ZRANB3: variants seen among roughly 807,000 people sequenced by gnomAD.
ZRANB3 encodes the protein zinc finger RANBP2-type containing 3, also known as DNA annealing helicase and endonuclease ZRANB3.
ZRANB3 carries 125 observed loss-of-function variants against 133.8 expected under a neutral mutation model. The observed-to-expected ratio is 0.93, with a 90% CI of 0.81 to 1.08. ZRANB3 has a LOEUF of 1.08. ZRANB3 is among the 50% of genes least tolerant of loss of function. ZRANB3 has a pLI of 0.00. For missense variants in ZRANB3, 1,229 were observed against 1,275.5 expected, an observed-to-expected ratio of 0.96 and a Z score of 0.56; for synonymous variants, 387 against 432.7, an observed-to-expected ratio of 0.89 and a Z score of 1.31.
chr2:135,388,081 A>T (rs1687061157), intron 3 of ZRANB3, among the ~76,000 whole-genome samples: 1 of 152,196 alleles, frequency 6.6e-6, no homozygotes, highest in Admixed American at 6.5e-5. Context: ...ATGGCTAGGG[A>T]GGCTCCACAA....
chr2:135,305,824 T>C (rs1296201220), intron 8 of ZRANB3, among the ~76,000 whole-genome samples: 3 of 152,212 alleles, frequency 2.0e-5, no homozygotes, highest in Non-Finnish European at 4.4e-5. Flanking sequence ...ATTTCTCCTT[T>C]ACTTTTGAAG....
At chr2:135,453,304 T>G (rs1037829833) in intron 2 of ZRANB3, among the ~76,000 whole-genome samples, 6 of 152,230 alleles carry the variant, frequency 3.9e-5, no homozygotes, top group Non-Finnish European at 8.8e-5. Context: ...TGTGAAGGTC[T>G]CTGACATGGC....
At chr2:135,430,203 C>CA (rs927056282) in intron 2 of ZRANB3, among the ~76,000 whole-genome samples, 17 of 150,704 alleles carry the variant, frequency 1.1e-4, no homozygotes, top group Non-Finnish European at 3.0e-5. Context: ...AAAACAGAAA[C>CA]AAAAAAAACA....
At chr2:135,428,610 C>A (rs1372109624) in intron 2 of ZRANB3, among the ~76,000 whole-genome samples, 1 of 152,064 alleles carries the variant, frequency 6.6e-6, no homozygotes, top group Non-Finnish European at 1.5e-5. Context: ...ATTCATCTGA[C>A]AAAGGTCTAG....
At chr2:135,246,710 A>C (rs1663360335) in intron 12 of ZRANB3, among the ~76,000 whole-genome samples, 1 of 152,218 alleles carries the variant, frequency 6.6e-6, no homozygotes, top group Non-Finnish European at 1.5e-5. Flanking sequence ...GCTGAAACTC[A>C]GTTATTATGT....
chr2:135,396,279 G>A (rs914065962), intron 2 of ZRANB3, among the ~76,000 whole-genome samples: 1 of 152,204 alleles, frequency 6.6e-6, no homozygotes, highest in South Asian at 2.1e-4. Flanking sequence ...TAAAAATAGA[G>A]CTTCCATCTG....
chr2:135,509,631 C>CT (rs1347654253), intron 1 of ZRANB3, among the ~76,000 whole-genome samples: 2 of 152,030 alleles, frequency 1.3e-5, no homozygotes, highest in African/African-American at 4.8e-5. Context: ...AATATTTTGT[C>CT]TTTTGTTTTT....
rs556799238 is a variant in ZRANB3, at chr2:135,514,851, G to A, written c.-7-10355C>T. ...ATTGACAGTTTTTTTTAGCATGAAG[G>A]GGTGTTGAATTTTATGGAAGGCCTT... On this transcript the variant is annotated intron_variant, in intron 1 of 20. Coordinates refer to ENST00000264159, the MANE Select transcript of ZRANB3 (RefSeq NM_032143.4). Among the ~76,000 whole-genome samples, 6 of 152,184 alleles carry A rather than the reference G, an allele frequency of 3.9e-5. No homozygotes were observed. The South Asian group carries it at 1.2e-3, about 32-fold the overall frequency.
intron 12 of ZRANB3, among the ~76,000 whole-genome samples, chr2:135,241,147 C>G (rs1695531701): frequency 6.6e-6 from 1 of 151,876 alleles, no homozygotes; most frequent in African/African-American, 2.4e-5. Context: ...TTTGATAGTT[C>G]CTTCCTCTTA....
intron 11 of ZRANB3, among the ~76,000 whole-genome samples, chr2:135,266,040 C>G (rs900815125): frequency 6.6e-6 from 1 of 152,082 alleles, no homozygotes; most frequent in African/African-American, 2.4e-5. Flanking sequence ...GAAATCCCAT[C>G]TCTACTAAAA....
At chr2:135,261,776 C>T (rs1305971181) in intron 12 of ZRANB3, among the ~76,000 whole-genome samples, 8 of 152,136 alleles carry the variant, frequency 5.3e-5, no homozygotes, top group Non-Finnish European at 1.2e-4. Context: ...AGAACAGCTA[C>T]AAATCATAGA....
chr2:135,232,824 T>C (rs977575432), intron 12 of ZRANB3, among the ~76,000 whole-genome samples: 4 of 151,984 alleles, frequency 2.6e-5, no homozygotes, highest in African/African-American at 9.7e-5. Context: ...CAAAGGTAGA[T>C]AAAATCACAA....
intron 4 of ZRANB3, among the ~76,000 whole-genome samples, chr2:135,353,039 T>C (rs915581282): frequency 6.6e-6 from 1 of 152,096 alleles, no homozygotes; most frequent in South Asian, 2.1e-4. Flanking sequence ...CACACAAAAC[T>C]TGCATATTAA....
At chr2:135,466,080 A>C (rs1268638102) in intron 2 of ZRANB3, among the ~76,000 whole-genome samples, 1 of 152,220 alleles carries the variant, frequency 6.6e-6, no homozygotes, top group Non-Finnish European at 1.5e-5. Context: ...TCTGAAAAAC[A>C]CAATATATGA....
At chr2:135,226,381 C>G (rs553567400) in intron 14 of ZRANB3, among the ~76,000 whole-genome samples, 2 of 152,290 alleles carry the variant, frequency 1.3e-5, no homozygotes, top group African/African-American at 2.4e-5. Context: ...AAGCATTTAA[C>G]ATAGTGTGCC....
At chr2:135,432,718 T>C (rs1166456271) in intron 2 of ZRANB3, among the ~76,000 whole-genome samples, 1 of 152,112 alleles carries the variant, frequency 6.6e-6, no homozygotes, top group East Asian at 1.9e-4. Flanking sequence ...AACAGGAACG[T>C]CTGAAATGTA....
Position 135,323,396 on chromosome 2 carries a change from T to C in ZRANB3, c.678-7866A>G, listed in dbSNP as rs113001148. Among the ~76,000 whole-genome samples, 204 of 152,252 alleles carry C rather than the reference T, an allele frequency of 1.3e-3. 3 individuals are homozygous for C. The highest frequency in any genetic ancestry group is 4.8e-3 in the African/African-American group (199 of 41,554). Reference sequence around the variant, plus strand: ...TAATTGTTAACATAACAGAGGGAGATAATGGAGTGTGGAAGTTAGAGGAGG... The same window carrying C: ...TAATTGTTAACATAACAGAGGGAGACAATGGAGTGTGGAAGTTAGAGGAGG... On this transcript the variant is annotated intron_variant, in intron 6 of 20. Transcript: ENST00000264159.
intron 2 of ZRANB3, among the ~76,000 whole-genome samples, chr2:135,421,048 G>A (rs1688823541): frequency 6.6e-6 from 1 of 152,110 alleles, no homozygotes; most frequent in African/African-American, 2.4e-5. Flanking sequence ...TATTGATATT[G>A]TAAGTGGATG....
At chr2:135,254,652 T>G (rs1679563611) in intron 12 of ZRANB3, among the ~76,000 whole-genome samples, 1 of 152,100 alleles carries the variant, frequency 6.6e-6, no homozygotes, top group African/African-American at 2.4e-5. Flanking sequence ...TGAGATATAA[T>G]CCATATACCA....
Sources: allele counts gnomAD v4.1 joint callset (sites outside exome capture counted in the v4.1 genomes callset), GRCh38; gene constraint gnomAD v4.1.1; transcripts MANE v1.5; gene names NCBI Gene and HGNC (gene_info 2026-07-23, HGNC 2026-07-21).